ZNF221: variants seen among roughly 807,000 people sequenced by gnomAD.
ZNF221 encodes the protein zinc finger protein 221.
ZNF221 carries 10 observed loss-of-function variants against 12.6 expected under a neutral mutation model. The ratio of observed to expected loss-of-function variants is 0.79; its 90% CI spans 0.49 to 1.34. The LOEUF is 1.34. Among genes scored for constraint, ZNF221 ranks in the 40% most tolerant of loss-of-function variants. ZNF221 has a pLI of 0.00. For missense variants in ZNF221, 661 were observed against 721.4 expected (o/e 0.92, Z 0.96); for synonymous variants, 232 against 244.0 (o/e 0.95, Z 0.46).
chr19:43,951,489 C>T (rs1229074781), intron 1 of ZNF221, 89 bp downstream of exon 1: 1 of 152,198 alleles, frequency 6.6e-6, no homozygotes, highest in Non-Finnish European at 1.5e-5. Context: ...GGGACTCGGT[C>T]CTGTCACGTT....
At chr19:43,969,680 A>G (rs1975055844), downstream of ZNF221, among the ~76,000 whole-genome samples, 1 of 152,050 alleles carries the variant, frequency 6.6e-6, no homozygotes, top group Non-Finnish European at 1.5e-5. Flanking sequence ...ACCCTGATCC[A>G]TTCCTCCCCA....
At chr19:43,981,288 A>C in the ZNF221 span, among the ~76,000 whole-genome samples, 2 of 152,224 alleles carry the variant, frequency 1.3e-5, no homozygotes, top group East Asian at 1.9e-4. Flanking sequence ...GTAATAACAC[A>C]TTTTGTTAGC....
chr19:43,971,488 T>C (rs1296738786), downstream of ZNF221, among the ~76,000 whole-genome samples: 2 of 152,092 alleles, frequency 1.3e-5, no homozygotes, highest in Non-Finnish European at 2.9e-5. Context: ...CCAAGACCGA[T>C]TGATACGCCG....
intron 2 of ZNF221, among the ~76,000 whole-genome samples, chr19:43,963,911 T>G (rs73933629): frequency 0.012 from 1,754 of 151,962 alleles, 34 homozygotes; most frequent in African/African-American, 0.041. Flanking sequence ...CTCGGAAGAG[T>G]GGGAAGTAGG....
downstream of ZNF221, among the ~76,000 whole-genome samples, chr19:43,970,360 T>C (rs1047573067): frequency 3.3e-5 from 5 of 152,188 alleles, no homozygotes; most frequent in African/African-American, 1.2e-4. Context: ...AGAGCGCCTC[T>C]TCTCCAAATG....
intron 1 of ZNF221, among the ~76,000 whole-genome samples, chr19:43,958,391 T>G (rs1974791618): frequency 6.6e-6 from 1 of 152,222 alleles, no homozygotes; most frequent in Admixed American, 6.5e-5. Context: ...GTGGCTTGCA[T>G]GCGGTATATC....
intron 1 of ZNF221, among the ~76,000 whole-genome samples, chr19:43,956,934 C>T (rs181757907): frequency 2.6e-5 from 4 of 152,270 alleles, no homozygotes; most frequent in African/African-American, 9.6e-5. Flanking sequence ...TTCACTGCTA[C>T]CATGTGGTTG....
intron 2 of ZNF221, 48 bp downstream of exon 2, chr19:43,962,855 C>T (rs1974870551): frequency 6.5e-7 from 1 of 1,537,086 alleles, no homozygotes; most frequent in Non-Finnish European, 8.9e-7. Flanking sequence ...TCTTACTACT[C>T]ATATTGTCAC....
At chr19:43,980,447 G>C in the ZNF221 span, among the ~76,000 whole-genome samples, 1 of 152,174 alleles carries the variant, frequency 6.6e-6, no homozygotes, top group Non-Finnish European at 1.5e-5. Flanking sequence ...CCATTAACCC[G>C]TGTGACTATG....
In ZNF221 at chr19:43,954,218, C is replaced by A. The variant is rs191260115; in HGVS notation, c.-3+2818C>A. Among the ~76,000 whole-genome samples the A allele has an allele frequency of 1.5e-3, 233 of 152,078 alleles. 1 individual carries two copies. The highest frequency in any genetic ancestry group is 6.8e-3 in the Middle Eastern group (2 of 292). Reference sequence around the variant, plus strand: ...GGTTTGCTGGCTTCCATTTGATATACGGTTCTAAAAGTAGGAGTGGTCTTA... The same window carrying A: ...GGTTTGCTGGCTTCCATTTGATATAAGGTTCTAAAAGTAGGAGTGGTCTTA... On this transcript the variant is annotated intron_variant, in intron 1 of 4. Transcript: ENST00000587682.
chr19:43,969,215 T>G (rs1466282090), downstream of ZNF221, among the ~76,000 whole-genome samples: 1 of 151,992 alleles, frequency 6.6e-6, no homozygotes, highest in Non-Finnish European at 1.5e-5. Context: ...ATTTCTGTGG[T>G]TCAGTCTACT....
downstream of ZNF221, among the ~76,000 whole-genome samples, chr19:43,970,306 T>G (rs530776134): frequency 6.6e-6 from 1 of 152,066 alleles, no homozygotes; most frequent in Admixed American, 6.6e-5. Context: ...CCCACAGATA[T>G]GATAAAAAGT....
chr19:43,977,850 G>A, the ZNF221 span, among the ~76,000 whole-genome samples: 6 of 152,228 alleles, frequency 3.9e-5, no homozygotes, highest in East Asian at 1.2e-3. Context: ...TAGATTGGAG[G>A]TCCCTAAGAC....
chr19:43,961,395 G>A (rs1316326159), intron 1 of ZNF221, among the ~76,000 whole-genome samples: 2 of 152,158 alleles, frequency 1.3e-5, no homozygotes, highest in Non-Finnish European at 2.9e-5. Context: ...ACATAGCAAG[G>A]TGATCATGGA....
chr19:43,957,122 A>G (rs1287827197), intron 1 of ZNF221, among the ~76,000 whole-genome samples: 1 of 152,198 alleles, frequency 6.6e-6, no homozygotes, highest in South Asian at 2.1e-4. Flanking sequence ...CAGTCTGTTT[A>G]TACTTCCAGT....
At position 43,966,989 on chromosome 19, in the gene ZNF221, A is replaced by G. The variant is rs1038284764; in HGVS notation, c.1487A>G (p.His496Arg). Residue 496 changes from histidine to arginine, a missense_variant, in exon 5 of 5, where the codon CAT (histidine) becomes CGT (arginine). His to Arg is a conservative substitution (Grantham distance 29, BLOSUM62 0). Coordinates refer to ENST00000587682, the MANE Select transcript of ZNF221 (RefSeq NM_001297588.2). ...GGCTGGGCCTCCTGTCTTTTGAAAC[A>G]TCAGAGACTCCACAGTGGGGAAAAA... The part of the protein sequence containing the change: ...SFGWASCLLK[H>R]QRLHSGEKPF... 6.2e-7 allele frequency: 1 copy of G among 1,614,138 alleles called. No individual in the cohort carries two copies. The highest frequency in any genetic ancestry group is 8.5e-7 in the Non-Finnish European group (1 of 1,180,014).
chr19:43,966,754 G>A lies in ZNF221; in HGVS notation c.1252G>A (p.Gly418Arg). The change falls in exon 5 of 5, where the codon GGA becomes AGA. Residue 418 changes from glycine (G) to arginine (R), a missense_variant. Transcript: ENST00000587682. ...CLLNHQQVHS[G>R]QKSFKCEECG... ...TTTGAACCATCAGCAAGTCCACAGT[G>A]GACAAAAATCCTTCAAATGTGAAGA... 6.2e-7 allele frequency: 1 copy of A among 1,614,188 alleles called. No homozygotes were observed. The highest frequency in any genetic ancestry group is 2.2e-5 in the East Asian group (1 of 44,886).
chr19:43,979,344 A>G, the ZNF221 span, among the ~76,000 whole-genome samples: 8 of 151,886 alleles, frequency 5.3e-5, no homozygotes. Flanking sequence ...TTTTCTGATG[A>G]TGAGGATCTG....
chr19:43,951,515 G>A (rs1352234246), intron 1 of ZNF221, 115 bp downstream of exon 1: 3 of 152,242 alleles, frequency 2.0e-5, no homozygotes, highest in Non-Finnish European at 2.9e-5. Context: ...CTATTTGGGG[G>A]TTTCTGGGGC....
Sources: gnomAD v4.1 joint callset for allele counts (sites outside exome capture counted in the v4.1 genomes callset) on GRCh38, gnomAD v4.1.1 for gene constraint, MANE v1.5 for transcripts, NCBI Gene and HGNC (gene_info 2026-07-23, HGNC 2026-07-21) for gene names.